DIAPH1: variants seen among roughly 807,000 people sequenced by gnomAD.
DIAPH1 encodes the protein protein diaphanous homolog 1.
Under a neutral mutation model 140.7 loss-of-function variants are expected in DIAPH1, and 46 were observed. The ratio of observed to expected loss-of-function variants is 0.33; its 90% CI spans 0.26 to 0.42. The LOEUF is 0.42. DIAPH1 is among the 10% of genes least tolerant of loss of function. The pLI is 1.00. For missense variants in DIAPH1, 1,310 were observed against 1,558.7 expected, an observed-to-expected ratio of 0.84 and a Z score of 2.69; for synonymous variants, 565 against 551.6, an observed-to-expected ratio of 1.02 and a Z score of -0.34.
At chr5:141,618,755 C>T (rs1327890351) in intron 1 of DIAPH1, 43 bp downstream of exon 1, 1 of 1,402,454 alleles carries the variant, frequency 7.1e-7, no homozygotes, top group Non-Finnish European at 9.8e-7. Flanking sequence ...GTCCAGAGGG[C>T]GGTTACGGGG....
chr5:141,600,437 A>G (rs2099899970), intron 1 of DIAPH1, among the ~76,000 whole-genome samples: 1 of 152,174 alleles, frequency 6.6e-6, no homozygotes, highest in African/African-American at 2.4e-5. Flanking sequence ...TGTTTGTTTT[A>G]AGCTAGTAAG....
chr5:141,541,058 T>A (rs1366938688), intron 18 of DIAPH1, among the ~76,000 whole-genome samples: 14 of 152,118 alleles, frequency 9.2e-5, no homozygotes. Context: ...AAATATATGA[T>A]GGCAGCAATT....
chr5:141,526,246 A>G (rs1250372268), intron 25 of DIAPH1, 51 bp downstream of exon 25: 2 of 1,614,184 alleles, frequency 1.2e-6, no homozygotes, highest in East Asian at 4.5e-5. Flanking sequence ...AACCCAGGGG[A>G]AAGTGAGAAA....
intron 1 of DIAPH1, chr5:141,588,890 G>A (rs1017021649): frequency 3.9e-5 from 6 of 152,226 alleles, no homozygotes; most frequent in African/African-American, 1.4e-4. Flanking sequence ...AGAGTAGAAC[G>A]GGTTTTCTGA....
At chr5:141,536,934 C>G (rs2099889111) in intron 18 of DIAPH1, among the ~76,000 whole-genome samples, 1 of 152,040 alleles carries the variant, frequency 6.6e-6, no homozygotes, top group Admixed American at 6.6e-5. Context: ...CTTTAGGAGG[C>G]CTAGGTGGGA....
At chr5:141,578,005 T>C (rs879817202) in intron 11 of DIAPH1, 1 of 614,020 alleles carries the variant, frequency 1.6e-6, no homozygotes, top group East Asian at 2.8e-5. Context: ...ATGGCTTCCA[T>C]GCTCAACAAC....
chr5:141,614,767 C>T (rs1443319058), intron 1 of DIAPH1, among the ~76,000 whole-genome samples: 1 of 151,552 alleles, frequency 6.6e-6, no homozygotes, highest in Non-Finnish European at 1.5e-5. Flanking sequence ...TTCCTGTAGG[C>T]TCCCCTCCCT....
chr5:141,518,806 G>C (rs1457304652), intron 27 of DIAPH1: 3 of 816,018 alleles, frequency 3.7e-6, no homozygotes, highest in Non-Finnish European at 6.1e-6. Context: ...ACAAGCATGA[G>C]TCACCACAGC....
chr5:141,573,749 G>T lies in DIAPH1; in HGVS notation c.2101C>A (p.Pro701Thr), dbSNP rs576129553. The T allele has an allele frequency of 7.9e-7, 1 of 1,258,434 alleles. No individual in the cohort carries two copies. Among genetic ancestry groups the T allele is most frequent in the Non-Finnish European group, 1.1e-6 (1 of 951,572 alleles). 78.0% of individuals were successfully genotyped at this position (1,258,434 alleles called of 1,614,324 possible). ...CCAGGCAAGGGAGGAGGTGGGGGGG[G>T]AATTCCAGCACTCCCAGGCAAAGGA... ...PPPLPGSAGI[P>T]PPPPPLPGEA... The change falls in exon 16 of 28, where the codon CCC becomes ACC. Residue 701 changes from proline (P) to threonine (T), a missense_variant. By Grantham distance (38) the Pro-to-Thr change is conservative. Transcript: ENST00000389054.
At chr5:141,618,032 G>GA (rs2099902961) in intron 1 of DIAPH1, among the ~76,000 whole-genome samples, 7 of 152,184 alleles carry the variant, frequency 4.6e-5, no homozygotes, top group Non-Finnish European at 7.3e-5. Flanking sequence ...CCACAGGAGA[G>GA]GTTTATCACC....
At chr5:141,600,654 C>T (rs1040521560) in intron 1 of DIAPH1, among the ~76,000 whole-genome samples, 14 of 152,100 alleles carry the variant, frequency 9.2e-5, no homozygotes, top group African/African-American at 3.4e-4. Flanking sequence ...CCCACATATA[C>T]CTCTTACGAC....
At chr5:141,576,959 G>T in intron 12 of DIAPH1, 88 bp from the exon 13 acceptor site, 1 of 832,890 alleles carries the variant, frequency 1.2e-6, no homozygotes, top group Non-Finnish European at 2.0e-6. Flanking sequence ...TAATTGCTCT[G>T]ACAACTGAGA....
chr5:141,586,404 T>C (rs2099897558), intron 3 of DIAPH1, among the ~76,000 whole-genome samples: 1 of 152,210 alleles, frequency 6.6e-6, no homozygotes, highest in Admixed American at 6.5e-5. Flanking sequence ...TGAGATCACA[T>C]ATCTATGCAA....
At chr5:141,527,312 G>A (rs533489056) in intron 24 of DIAPH1, among the ~76,000 whole-genome samples, 1 of 152,280 alleles carries the variant, frequency 6.6e-6, no homozygotes, top group South Asian at 2.1e-4. Context: ...CTACCAAGGA[G>A]GCTGAGGGGG....
chr5:141,575,397 C>G (rs909576403), intron 14 of DIAPH1, among the ~76,000 whole-genome samples: 2 of 152,194 alleles, frequency 1.3e-5, no homozygotes, highest in Admixed American at 1.3e-4. Context: ...ACCTGTAATC[C>G]CAGCACTTCG....
chr5:141,603,067 A>G (rs564451504), intron 1 of DIAPH1, among the ~76,000 whole-genome samples: 90 of 152,350 alleles, frequency 5.9e-4, no homozygotes, highest in Non-Finnish European at 1.0e-3. Context: ...AAAAATATAA[A>G]CTATAAACCT....
Position 141,544,248 on chromosome 5 carries a change from T to C in DIAPH1, c.2483-9815A>G, listed in dbSNP as rs1317918332. Among the ~76,000 whole-genome samples, 132 of 152,132 alleles carry C rather than the reference T, an allele frequency of 8.7e-4. 2 individuals are homozygous for C. The highest frequency in any genetic ancestry group is 3.9e-4 in the East Asian group (2 of 5,174). On this transcript the variant is annotated intron_variant, in intron 18 of 27. Coordinates refer to ENST00000389054, the MANE Select transcript of DIAPH1 (RefSeq NM_005219.5). ...TGGTGTGAAACTGGGAAGTGGAGCT[T>C]GCAGTGAGCTGAGATGGCACCACTG...
intron 14 of DIAPH1, 145 bp from the exon 15 acceptor site, chr5:141,575,291 G>A (rs2099895782): frequency 5.1e-6 from 4 of 788,722 alleles, no homozygotes; most frequent in Non-Finnish European, 8.7e-6. Flanking sequence ...GCCAGTACTT[G>A]ATTTACAGAG....
rs199982016 is a variant in DIAPH1, at chr5:141,587,096, C to T, written c.246G>A (p.Gln82=). The T allele has an allele frequency of 1.9e-5, 30 of 1,614,142 alleles. No homozygotes were observed. The highest frequency in any genetic ancestry group is 2.3e-5 in the Non-Finnish European group (27 of 1,180,004). Residue 82 remains glutamine, a synonymous_variant, in exon 3 of 28, where the codon CAG becomes CAA. Coordinates refer to ENST00000389054, the MANE Select transcript of DIAPH1 (RefSeq NM_005219.5). The part of the protein sequence containing the change: ...SASYGDDPTA[Q]SLQDVSDEQV... ...GTTCATCTGAAACATCTTGCAATGA[C>T]TGTGCTGTGGGATCATCCCCATATG... is the stretch of plus-strand genomic sequence containing the variant.
Sources: allele counts gnomAD v4.1 joint callset (sites outside exome capture counted in the v4.1 genomes callset), GRCh38; gene constraint gnomAD v4.1.1; transcripts MANE v1.5; gene names NCBI Gene and HGNC (gene_info 2026-07-23, HGNC 2026-07-21).